The following NDE1 variants were observed in gnomAD, a reference collection of about 807,000 sequenced individuals.
The protein encoded by NDE1 is nuclear distribution protein nudE homolog 1.
In NDE1, 28 loss-of-function variants were observed where a neutral mutation model predicts 43.4. That is an observed-to-expected ratio of 0.65 (90% CI 0.48 to 0.89). The LOEUF is 0.89. Among genes scored for constraint, NDE1 ranks in the 40% least tolerant of loss-of-function variants. NDE1 has a pLI of 0.00. For missense variants in NDE1, 441 were observed against 434.1 expected (o/e 1.02, Z -0.14); for synonymous variants, 184 against 172.0 (o/e 1.07, Z -0.55).
intron 2 of NDE1, 54 bp from the exon 3 acceptor site, chr16:15,667,232 C>T (rs986127066): frequency 2.5e-6 from 4 of 1,596,620 alleles, no homozygotes; most frequent in African/African-American, 2.7e-5. Flanking sequence ...GGTGATAGAG[C>T]GAGACTCTGT....
In NDE1 at chr16:15,660,570, T is replaced by C. The variant is rs192603247; in HGVS notation, c.-43-4166T>C. On this transcript the variant is annotated intron_variant, in intron 1 of 8. Coordinates refer to ENST00000396354, the MANE Select transcript of NDE1 (RefSeq NM_017668.3). ...CCCACATCCTCTAGCTGTTGGCTAA[T>C]TTATTTCATCGTCTTTTAGGTAATT... Among the ~76,000 whole-genome samples the C allele has an allele frequency of 3.4e-3, 515 of 152,300 alleles. 4 individuals are homozygous for C. The highest frequency in any genetic ancestry group is 0.012 in the African/African-American group (498 of 41,568).
intron 1 of NDE1, among the ~76,000 whole-genome samples, chr16:15,654,219 T>C (rs1420387820): frequency 6.6e-6 from 1 of 152,046 alleles, no homozygotes; most frequent in Non-Finnish European, 1.5e-5. Flanking sequence ...AATAAATGCA[T>C]GTGGGGTGCA....
Position 15,715,005 on chromosome 16 carries a change from T to G in NDE1, c.948-9186T>G, listed in dbSNP as rs776619789. On this transcript the variant is annotated intron_variant, in intron 8 of 8. Transcript: ENST00000396354. ...CCGCTGCAGCTTCCTGCGGTTGGCG[T>G]TGATGCGCTGGGACTCCTCCTCTGC... 2 of 1,614,018 alleles carry G rather than the reference T, an allele frequency of 1.2e-6. No individual in the cohort carries two copies. Among genetic ancestry groups the G allele is most frequent in the East Asian group, 4.5e-5 (2 of 44,878 alleles).
upstream of NDE1, among the ~76,000 whole-genome samples, chr16:15,647,157 C>A (rs2036347527): frequency 6.6e-6 from 1 of 152,230 alleles, no homozygotes; most frequent in Non-Finnish European, 1.5e-5. Context: ...ACATTTGGTA[C>A]TTTCCTTAAA....
intron 8 of NDE1, 156 bp downstream of exon 8, chr16:15,697,016 G>T: frequency 6.5e-7 from 1 of 1,531,244 alleles, no homozygotes; most frequent in Non-Finnish European, 8.7e-7. Context: ...GGCAGCATTA[G>T]GTGGTGTCTT....
At chr16:15,654,864 G>A (rs1331685057) in intron 1 of NDE1, among the ~76,000 whole-genome samples, 3 of 150,714 alleles carry the variant, frequency 2.0e-5, no homozygotes, top group Non-Finnish European at 4.4e-5. Context: ...AGAAGATAAT[G>A]TTTGCAAACA....
Position 15,664,829 on chromosome 16 carries a change from T to C in NDE1, c.51T>C (p.Tyr17=), listed in dbSNP as rs2151436186. 27 of 1,613,846 alleles carry C rather than the reference T, an allele frequency of 1.7e-5. No homozygotes were observed. The highest frequency in any genetic ancestry group is 6.7e-5 in the East Asian group (3 of 44,874). Residue 17 remains tyrosine, a synonymous_variant, in exon 2 of 9, where the codon TAT becomes TAC. Transcript: ENST00000396354. ...TFSSEEEEAN[Y]WKDLAMTYKQ... is the part of the protein sequence containing the mutation. Reference sequence around the variant, plus strand: ...GCTCCGAGGAGGAAGAAGCTAACTATTGGAAAGATCTGGCGATGACCTACA... The same window carrying C: ...GCTCCGAGGAGGAAGAAGCTAACTACTGGAAAGATCTGGCGATGACCTACA...
chr16:15,702,795 T>C lies in NDE1; in HGVS notation c.947+5935T>C, dbSNP rs537026826. 3.9e-5 allele frequency among the ~76,000 whole-genome samples: 6 copies of C among 152,296 alleles called. No homozygotes were observed. In the East Asian group the frequency reaches 1.2e-3, roughly 29 times the overall value. On this transcript the variant is annotated intron_variant, in intron 8 of 8. Transcript: ENST00000396354. ...AAAAATCAAGGAAATCCTGTATTTT[T>C]CTTAAGATACTGGTTTTGATGAGTC...
At chr16:15,718,231 C>T (rs962909942) in intron 8 of NDE1, 45 of 1,596,514 alleles carry the variant, frequency 2.8e-5, no homozygotes, top group Middle Eastern at 1.8e-4. Context: ...CACAGGAAGC[C>T]GCCACGCGTG....
chr16:15,725,652 G>A lies in NDE1; in HGVS notation c.*1401G>A, dbSNP rs2040717794. Reference sequence around the variant, plus strand: ...CTTATATGAGGGCGGCAAAAGCCCTGCTCTCAACTGCATGTGAGAAAAAAA... The same window carrying A: ...CTTATATGAGGGCGGCAAAAGCCCTACTCTCAACTGCATGTGAGAAAAAAA... On this transcript the variant is annotated 3_prime_UTR_variant, in exon 9 of 9. Transcript: ENST00000396354. 1 of 399,794 alleles carries A rather than the reference G, an allele frequency of 2.5e-6. No homozygotes were observed. The highest frequency in any genetic ancestry group is 2.1e-5 in the African/African-American group (1 of 48,732). 24.8% of individuals were successfully genotyped at this position (399,794 alleles called of 1,614,324 possible).
intron 6 of NDE1, among the ~76,000 whole-genome samples, chr16:15,693,698 T>C (rs2038867350): frequency 6.6e-6 from 1 of 151,988 alleles, no homozygotes; most frequent in South Asian, 2.1e-4. Flanking sequence ...CCAGCACTTT[T>C]GGAGGCCAAG....
At chr16:15,674,185 C>G (rs955707407) in intron 3 of NDE1, among the ~76,000 whole-genome samples, 16 of 152,208 alleles carry the variant, frequency 1.1e-4, no homozygotes, top group African/African-American at 3.4e-4. Flanking sequence ...CTCTCTGTCT[C>G]TCTCCTCTCC....
rs539126038 is a variant in NDE1, at chr16:15,650,256, T to TGCC, written c.-70_-68dup. On this transcript the variant is annotated 5_prime_UTR_variant, in exon 1 of 9. Transcript: ENST00000396354. The stretch of plus-strand genomic sequence containing the variant: ...CCGCACCGCCCTTCGCAGCCGCCTC[T>TGCC]GCCGCCGCCGCCGCGTTGGCCTCGC... 598 of 303,298 alleles carry TGCC rather than the reference T, an allele frequency of 2.0e-3. 1 individual carries two copies. Among genetic ancestry groups the TGCC allele is most frequent in the Non-Finnish European group, 2.2e-3 (318 of 147,526 alleles). 18.8% of individuals were successfully genotyped at this position (303,298 alleles called of 1,614,324 possible). A position where few individuals can be genotyped will look rare whatever the true frequency, so the allele number is the denominator to read the frequency against.
At chr16:15,697,851 G>A (rs960902330) in intron 8 of NDE1, among the ~76,000 whole-genome samples, 4 of 150,488 alleles carry the variant, frequency 2.7e-5, no homozygotes, top group Non-Finnish European at 5.9e-5. Flanking sequence ...CTGTCGCCTA[G>A]GCTGGAGTGT....
chr16:15,655,910 A>T (rs1307285131), intron 1 of NDE1, among the ~76,000 whole-genome samples: 1 of 146,584 alleles, frequency 6.8e-6, no homozygotes, highest in Non-Finnish European at 1.5e-5. Context: ...ATTCTCACTC[A>T]TAGGTGGGAA....
chr16:15,695,451 T>G, intron 7 of NDE1: 156 of 961,474 alleles, frequency 1.6e-4, no homozygotes, highest in South Asian at 1.9e-4. Flanking sequence ...GAGGTTGCAG[T>G]GAGCTGAGAT....
At chr16:15,724,059 A>G (rs982918155) in intron 8 of NDE1, 132 bp from the exon 9 acceptor site, 31 of 1,579,112 alleles carry the variant, frequency 2.0e-5, no homozygotes, top group African/African-American at 1.1e-4. Context: ...CAGAGTGGAG[A>G]GGGGATGCAG....
At chr16:15,699,552 G>T in intron 8 of NDE1, 1 of 1,185,860 alleles carries the variant, frequency 8.4e-7, no homozygotes, top group Non-Finnish European at 1.1e-6. Context: ...TGTGACCTTG[G>T]AATCTGAGAG....
At chr16:15,694,371 G>T (rs1164347550) in intron 7 of NDE1, 115 bp downstream of exon 7, 1 of 1,540,384 alleles carries the variant, frequency 6.5e-7, no homozygotes. Context: ...TTAGAGACAG[G>T]GTCTTGCTCT....
Sources: allele counts gnomAD v4.1 joint callset (sites outside exome capture counted in the v4.1 genomes callset), GRCh38; gene constraint gnomAD v4.1.1; transcripts MANE v1.5; gene names NCBI Gene and HGNC (gene_info 2026-07-23, HGNC 2026-07-21).